Variants in ADGRB3 observed in about 807,000 individuals in gnomAD.
The protein encoded by ADGRB3 is brain-specific angiogenesis inhibitor 3.
Under a neutral mutation model 193.4 loss-of-function variants are expected in ADGRB3, and 37 were observed. The observed-to-expected ratio is 0.19, with a 90% CI of 0.15 to 0.25. ADGRB3 has a LOEUF of 0.25. Among genes scored for constraint, ADGRB3 ranks in the 10% least tolerant of loss-of-function variants. The pLI is 1.00. For missense variants in ADGRB3, 1,637 were observed against 1,852.9 expected (o/e 0.88, Z 2.14); for synonymous variants, 690 against 644.2 (o/e 1.07, Z -1.08).
chr6:68,669,094 T>C (rs1582110982), intron 3 of ADGRB3, among the ~76,000 whole-genome samples: 3 of 151,924 alleles, frequency 2.0e-5, no homozygotes, highest in African/African-American at 7.2e-5. Flanking sequence ...TGTGAGCGCA[T>C]GGTAGGTGTA....
intron 3 of ADGRB3, among the ~76,000 whole-genome samples, chr6:68,690,304 A>G (rs1414394017): frequency 6.6e-6 from 1 of 152,108 alleles, no homozygotes; most frequent in East Asian, 1.9e-4. Context: ...AAGACTTGGA[A>G]ATATTACAAC....
chr6:69,254,557 T>A (rs1167483923), intron 20 of ADGRB3, among the ~76,000 whole-genome samples: 2 of 152,100 alleles, frequency 1.3e-5, no homozygotes, highest in East Asian at 3.8e-4. Flanking sequence ...TTATTTTTTA[T>A]ACTGTCAAGA....
At chr6:68,736,488 A>T (rs1765875720) in intron 3 of ADGRB3, among the ~76,000 whole-genome samples, 1 of 152,136 alleles carries the variant, frequency 6.6e-6, no homozygotes, top group Non-Finnish European at 1.5e-5. Flanking sequence ...ATTAGACTTA[A>T]TTAAATGCAG....
intron 3 of ADGRB3, among the ~76,000 whole-genome samples, chr6:68,780,089 T>G (rs1340292150): frequency 2.6e-5 from 4 of 152,068 alleles, no homozygotes; most frequent in Non-Finnish European, 5.9e-5. Context: ...CTGTTAGATC[T>G]TAGAATAAGA....
intron 20 of ADGRB3, among the ~76,000 whole-genome samples, chr6:69,314,017 C>T (rs1768257343): frequency 6.6e-6 from 1 of 151,580 alleles, no homozygotes; most frequent in Admixed American, 6.6e-5. Flanking sequence ...AATTCTTGGC[C>T]TTATTTAACA....
intron 17 of ADGRB3, among the ~76,000 whole-genome samples, chr6:69,113,088 C>G (rs1200495644): frequency 6.6e-6 from 1 of 152,140 alleles, no homozygotes; most frequent in Non-Finnish European, 1.5e-5. Context: ...AGAGGATGTG[C>G]ACAGCTTATA....
intron 17 of ADGRB3, among the ~76,000 whole-genome samples, chr6:69,139,556 A>G (rs940558496): frequency 1.3e-5 from 2 of 152,238 alleles, no homozygotes; most frequent in Non-Finnish European, 1.5e-5. Context: ...ATAAACTTAT[A>G]TATAGAAAAT....
intron 3 of ADGRB3, among the ~76,000 whole-genome samples, chr6:68,915,818 A>G (rs1398780245): frequency 6.6e-6 from 1 of 152,120 alleles, no homozygotes; most frequent in Non-Finnish European, 1.5e-5. Flanking sequence ...CATACCGCAC[A>G]GGTGTATGGT....
At chr6:69,238,572 A>G (rs888086738) in intron 19 of ADGRB3, among the ~76,000 whole-genome samples, 79 of 152,036 alleles carry the variant, frequency 5.2e-4, no homozygotes, top group Non-Finnish European at 7.4e-5. Context: ...GAAAAATATA[A>G]AGAGTAGCAG....
intron 20 of ADGRB3, among the ~76,000 whole-genome samples, chr6:69,305,422 G>A (rs1010726484): frequency 1.1e-4 from 16 of 151,400 alleles, no homozygotes; most frequent in African/African-American, 3.2e-4. Flanking sequence ...TTCTTTGTTG[G>A]AATCATGAGA....
At chr6:69,213,188 A>T (rs1765703810) in intron 17 of ADGRB3, among the ~76,000 whole-genome samples, 1 of 152,220 alleles carries the variant, frequency 6.6e-6, no homozygotes, top group Admixed American at 6.5e-5. Flanking sequence ...TTGGCTTCAG[A>T]AATCTTTCAA....
At chr6:69,050,873 A>G (rs1018978216) in intron 15 of ADGRB3, among the ~76,000 whole-genome samples, 15 of 152,326 alleles carry the variant, frequency 9.8e-5, no homozygotes, top group East Asian at 1.9e-4. Context: ...CATAGTGAAT[A>G]CAAATGAAAT....
intron 17 of ADGRB3, among the ~76,000 whole-genome samples, chr6:69,226,153 T>C (rs1332723336): frequency 6.6e-6 from 1 of 152,188 alleles, no homozygotes; most frequent in Non-Finnish European, 1.5e-5. Context: ...TTAATGTGTA[T>C]TTTATGACAC....
intron 10 of ADGRB3, among the ~76,000 whole-genome samples, chr6:68,979,975 A>G (rs1562108993): frequency 6.6e-6 from 1 of 151,384 alleles, no homozygotes; most frequent in Non-Finnish European, 1.5e-5. Flanking sequence ...TCTAAAGCAA[A>G]GGGAGTTGAT....
chr6:69,345,288 T>C (rs1246914309), intron 26 of ADGRB3, among the ~76,000 whole-genome samples: 1 of 152,134 alleles, frequency 6.6e-6, no homozygotes, highest in Non-Finnish European at 1.5e-5. Flanking sequence ...TCTAGCATTT[T>C]GAGCTTGCTC....
At chr6:69,040,307 C>CTCTTCCTTTCTT (rs1554251204) in intron 13 of ADGRB3, among the ~76,000 whole-genome samples, 3 of 94,806 alleles carry the variant, frequency 3.2e-5, no homozygotes, top group East Asian at 3.0e-4. Context: ...CTTTCTCTGT[C>CTCTTCCTTTCTT]TCTTTCTTTC....
At chr6:68,736,091 A>G (rs1765865562) in intron 3 of ADGRB3, among the ~76,000 whole-genome samples, 1 of 151,974 alleles carries the variant, frequency 6.6e-6, no homozygotes, top group Non-Finnish European at 1.5e-5. Context: ...GGCTCACTGT[A>G]GCCTCAAGTT....
chr6:68,653,388 C>T (rs1337546582), intron 3 of ADGRB3, among the ~76,000 whole-genome samples: 1 of 151,942 alleles, frequency 6.6e-6, no homozygotes, highest in Non-Finnish European at 1.5e-5. Context: ...TGTGCTAAAA[C>T]GTGATTAGTT....
chr6:68,880,995 GTTTT>G (rs998448760), intron 3 of ADGRB3, among the ~76,000 whole-genome samples: 1 of 151,950 alleles, frequency 6.6e-6, no homozygotes, highest in Non-Finnish European at 1.5e-5. Flanking sequence ...TATTTTTTAT[GTTTT>G]TTTAAGTGGT....
Sources: gnomAD v4.1 joint callset for allele counts (sites outside exome capture counted in the v4.1 genomes callset) on GRCh38, gnomAD v4.1.1 for gene constraint, MANE v1.5 for transcripts, NCBI Gene and HGNC (gene_info 2026-07-23, HGNC 2026-07-21) for gene names.